PRPF31: variants seen among roughly 807,000 people sequenced by gnomAD.
PRPF31 encodes pre-mRNA processing factor 31.
PRPF31 carries 12 observed loss-of-function variants against 60.4 expected under a neutral mutation model. That is an observed-to-expected ratio of 0.20 (90% CI 0.13 to 0.32). The LOEUF (loss-of-function observed/expected upper bound fraction) is 0.32, where lower values mean the gene tolerates loss of function less well. Ranked by LOEUF, PRPF31 falls within the 10% of genes least tolerant of loss-of-function variation. PRPF31 has a pLI of 1.00. For synonymous variants in PRPF31, 287 were observed against 287.9 expected, an observed-to-expected ratio of 1.00 and a Z score of 0.03; for missense variants, 431 against 687.1, an observed-to-expected ratio of 0.63 and a Z score of 4.17.
chr19:54,124,697 G>A, intron 8 of PRPF31, 41 bp downstream of exon 8: 1 of 1,600,026 alleles, frequency 6.2e-7, no homozygotes, highest in East Asian at 2.2e-5. Context: ...GGCCCCCCTG[G>A]AGCCTTCCGC....
At position 54,131,177 on chromosome 19, in the gene PRPF31, G is replaced by C. The variant is rs188430722; in HGVS notation, c.1375-130G>C. On this transcript the variant is annotated intron_variant, in intron 13 of 13. Coordinates refer to ENST00000321030, the MANE Select transcript of PRPF31 (RefSeq NM_015629.4). ...AATCTCCCAAGACAGGGCAACTCCA[G>C]GGACAGGCAAACTGTCTCATGCCCA... 3 of 1,342,028 alleles carry C rather than the reference G, an allele frequency of 2.2e-6. No homozygotes were observed. The East Asian group carries it at 6.9e-5, about 31-fold the overall frequency. 83.1% of individuals were successfully genotyped at this position (1,342,028 alleles called of 1,614,324 possible).
Position 54,123,718 on chromosome 19 carries a change from C to T in PRPF31, c.528-31C>T, listed in dbSNP as rs2303557. The T allele has an allele frequency of 0.024, 39,051 of 1,597,116 alleles. 2,750 individuals are homozygous for T. The East Asian group carries it at 0.29, about 12-fold the overall frequency. On this transcript the variant is annotated intron_variant, in intron 6 of 13. Transcript: ENST00000321030. Reference sequence around the variant, plus strand: ...CTGGGCACACCAGGCAGGCGGGAGACCCAGGAGGCTGGGCCCACCCGCCCC... The same window carrying T: ...CTGGGCACACCAGGCAGGCGGGAGATCCAGGAGGCTGGGCCCACCCGCCCC...
intron 5 of PRPF31, 167 bp downstream of exon 5, chr19:54,122,761 C>T (rs2073824433): frequency 1.6e-5 from 11 of 700,468 alleles, no homozygotes; most frequent in South Asian, 1.5e-4. Context: ...CTGGACAGGA[C>T]TTTCTCAGGG....
rs2073611633 is a variant in PRPF31, at chr19:54,115,755, G to C, written c.-51G>C. On this transcript the variant is annotated 5_prime_UTR_variant, in exon 1 of 14. Transcript: ENST00000321030. ...ACGGCGCGAGAGTGAGACGTCATCG[G>C]TGAGCGACTAACGCTAGAAACAGTG... 3.8e-6 allele frequency: 1 copy of C among 262,510 alleles called. No homozygotes were observed. The highest frequency in any genetic ancestry group is 5.0e-5 in the Admixed American group (1 of 19,940). 16.3% of individuals were successfully genotyped at this position (262,510 alleles called of 1,614,324 possible).
chr19:54,124,201 A>G, intron 7 of PRPF31: 1 of 673,426 alleles, frequency 1.5e-6, no homozygotes, highest in South Asian at 1.9e-5. Context: ...AATGGTTCCA[A>G]AACACAGCCA....
At chr19:54,118,202 T>A in intron 1 of PRPF31, 69 bp from the exon 2 acceptor site, 1 of 1,608,800 alleles carries the variant, frequency 6.2e-7, no homozygotes, top group Non-Finnish European at 8.5e-7. Flanking sequence ...TGGGGGAGAA[T>A]CATCGCTCAG....
intron 3 of PRPF31, 76 bp from the exon 4 acceptor site, chr19:54,121,784 C>T: frequency 7.0e-7 from 1 of 1,419,064 alleles, no homozygotes; most frequent in African/African-American, 1.4e-5. Flanking sequence ...ACTTCATCCT[C>T]CGCCTCCTCC....
In PRPF31 at chr19:54,124,492, ACCGCAGGTGTG is replaced by A. The variant is rs2146424985; in HGVS notation, c.698-6_702del. 3 of 1,384,286 alleles carry A rather than the reference ACCGCAGGTGTG, an allele frequency of 2.2e-6. No homozygotes were observed. The highest frequency in any genetic ancestry group is 2.9e-6 in the Non-Finnish European group (3 of 1,045,580). 85.8% of individuals were successfully genotyped at this position (1,384,286 alleles called of 1,614,324 possible). A position where few individuals can be genotyped will look rare whatever the true frequency, so the allele number is the denominator to read the frequency against. On this transcript the variant is annotated splice_acceptor_variant and splice_polypyrimidine_tract_variant and coding_sequence_variant and intron_variant, in exon 8 of 14. Transcript: ENST00000321030. LOFTEE classifies it high-confidence loss of function. ...CGCCCCCCCTTCCTCCCTCCCTCCCACCGCAGGTGTGGCCGGCGGCCTGACCAACCTCTCCA... is the reference window on the plus strand; with the variant it reads ...CGCCCCCCCTTCCTCCCTCCCTCCCAGCCGGCGGCCTGACCAACCTCTCCA...
intron 9 of PRPF31, among the ~76,000 whole-genome samples, chr19:54,127,465 C>A (rs587711692): frequency 6.6e-6 from 1 of 152,248 alleles, no homozygotes; most frequent in East Asian, 1.9e-4. Context: ...GATAGTCTTC[C>A]CAGCTCACAA....
intron 4 of PRPF31, 178 bp downstream of exon 4, chr19:54,122,121 A>T (rs2073806467): frequency 5.4e-6 from 4 of 738,432 alleles, no homozygotes; most frequent in Non-Finnish European, 6.9e-6. Context: ...TATGAGTCTG[A>T]GGAGCACTCG....
intron 8 of PRPF31, among the ~76,000 whole-genome samples, chr19:54,125,960 A>G (rs1375768185): frequency 6.6e-6 from 1 of 152,172 alleles, no homozygotes; most frequent in Non-Finnish European, 1.5e-5. Context: ...TCATTTGGCC[A>G]TCTCACATCG....
In PRPF31 at chr19:54,119,071, T is replaced by C. The variant is rs74445695; in HGVS notation, c.238+438T>C. On this transcript the variant is annotated intron_variant, in intron 3 of 13. Transcript: ENST00000321030. ...CAAAGACAAAGTCACTGTATAAAAA[T>C]AGATATATAATTATTTAGGAACCAC... Among the ~76,000 whole-genome samples, 96 of 152,188 alleles carry C rather than the reference T, an allele frequency of 6.3e-4. No individual in the cohort carries two copies. The South Asian group carries it at 0.019, about 31-fold the overall frequency.
At chr19:54,129,609 C>T (rs1344740908) in intron 13 of PRPF31, among the ~76,000 whole-genome samples, 1 of 140,652 alleles carries the variant, frequency 7.1e-6, no homozygotes, top group Non-Finnish European at 1.5e-5. Context: ...AGGCCCACAG[C>T]TGTGTTCAGG....
At chr19:54,125,759 G>A (rs75723257) in intron 8 of PRPF31, among the ~76,000 whole-genome samples, 6,321 of 152,230 alleles carry the variant, frequency 0.042, 322 homozygotes, top group African/African-American at 0.12. Context: ...ACACACCCAG[G>A]GAGGCTGGCA....
In PRPF31 at chr19:54,124,652, C is replaced by A. The variant is rs1246583773; in HGVS notation, c.851C>A (p.Pro284Gln). ...CACAGTGACATCGTGCAGTCCCTGC[C>A]ACCGGTGAGCCCACTGCGTCATGGC... ...IYHSDIVQSL[P>Q]PDLRRKAARL... is the part of the protein sequence containing the mutation. The change falls in exon 8 of 14, where the codon CCA becomes CAA. Residue 284 changes from proline to glutamine, a missense_variant. By Grantham distance (76) the Pro-to-Gln change is moderately conservative (BLOSUM62 -1). This residue lies in a region of PRPF31 where 314 missense variants were observed against 475.3 expected (regional missense o/e 0.66). Coordinates refer to ENST00000321030, the MANE Select transcript of PRPF31 (RefSeq NM_015629.4). The A allele has an allele frequency of 1.2e-6, 2 of 1,612,718 alleles. No homozygotes were observed. The highest frequency in any genetic ancestry group is 2.2e-5 in the South Asian group (2 of 91,082).
At chr19:54,131,239 C>G in intron 13 of PRPF31, 68 bp from the exon 14 acceptor site, 1 of 1,595,538 alleles carries the variant, frequency 6.3e-7, no homozygotes, top group East Asian at 2.2e-5. Context: ...GCCTGGGGGG[C>G]TCTGATGGGT....
Position 54,118,525 on chromosome 19 carries a change from T to A in PRPF31, c.178-48T>A, listed in dbSNP as rs587632712. On this transcript the variant is annotated intron_variant, in intron 2 of 13. Coordinates refer to ENST00000321030, the MANE Select transcript of PRPF31 (RefSeq NM_015629.4). ...TCTCCCAGAAGGGGGTGATACAGGC[T>A]TCTTTTTGAAGAGTGCTGGATTCTG... 9 of 1,613,774 alleles carry A rather than the reference T, an allele frequency of 5.6e-6. No individual in the cohort carries two copies. The South Asian group carries it at 9.9e-5, about 18-fold the overall frequency.
Position 54,129,147 on chromosome 19 carries a change from A to C in PRPF31, c.1237A>C (p.Asn413His), listed in dbSNP as rs1428962837. Residue 413 changes from asparagine (N) to histidine (H), a missense_variant, in exon 12 of 14, where the codon AAC becomes CAC. Asn to His is a moderately conservative substitution (Grantham distance 68, BLOSUM62 1). Transcript: ENST00000321030. ...GSGRVRQTQV[N>H]EATKARISKT... ...TGGGCGTGTGCGGCAGACACAGGTA[A>C]ACGAGGCCACCAAGGCCAGGATCTC... 2 of 1,581,864 alleles carry C rather than the reference A, an allele frequency of 1.3e-6. No homozygotes were observed. The highest frequency in any genetic ancestry group is 1.7e-6 in the Non-Finnish European group (2 of 1,164,606).
At chr19:54,125,180 C>T (rs587606405) in intron 8 of PRPF31, 14 of 185,296 alleles carry the variant, frequency 7.6e-5, no homozygotes, top group South Asian at 6.2e-4. Flanking sequence ...CCAGCATCGA[C>T]GCCTGACAGC....
Sources: allele counts gnomAD v4.1 joint callset (sites outside exome capture counted in the v4.1 genomes callset), GRCh38; gene constraint gnomAD v4.1.1; regional missense constraint gnomAD v4.1.1; transcripts MANE v1.5; gene names NCBI Gene and HGNC (gene_info 2026-07-23, HGNC 2026-07-21).